The following KMT2D variants were observed in gnomAD, a reference collection of about 807,000 sequenced individuals.
The protein encoded by KMT2D is histone-lysine N-methyltransferase 2D.
In KMT2D, 55 loss-of-function variants were observed where a neutral mutation model predicts 512.7. That is an observed-to-expected ratio of 0.11 (90% CI 0.09 to 0.13). KMT2D has a LOEUF of 0.13. Ranked by LOEUF, KMT2D falls within the 10% of genes least tolerant of loss-of-function variation. The pLI is 1.00. For missense variants in KMT2D, 6,061 were observed against 7,127.9 expected (o/e 0.85, Z 5.39); for synonymous variants, 2,995 against 2,904.0 (o/e 1.03, Z -1.01).
In KMT2D at chr12:49,051,864, G is replaced by A; in HGVS notation, c.1819C>T (p.Pro607Ser). The A allele has an allele frequency of 1.9e-6, 3 of 1,613,064 alleles. No individual in the cohort carries two copies. The highest frequency in any genetic ancestry group is 2.5e-6 in the Non-Finnish European group (3 of 1,179,550). Residue 607 changes from proline to serine, a missense_variant, in exon 11 of 55, where the codon CCT (proline) becomes TCT (serine). Coordinates refer to ENST00000301067, the MANE Select transcript of KMT2D (RefSeq NM_003482.4). ...GACTCCTCAGGTGGAGGGGACAGAGGAGACTCTTCAAATGGTGGGAACAGA... is the reference window on the plus strand; with the variant it reads ...GACTCCTCAGGTGGAGGGGACAGAGAAGACTCTTCAAATGGTGGGAACAGA... ...SRLFPPFEES[P>S]LSPPPEESPL...
rs769315900 is a variant in KMT2D, at chr12:49,038,027, C to T, written c.9329G>A (p.Arg3110His). ...PPPAADASEP[R>H]LASVLPEVKP... ...CACCTCAGGGAGCACAGATGCCAGG[C>T]GGGGTTCAGAGGCATCAGCAGCAGG... is the stretch of plus-strand genomic sequence containing the variant. The change falls in exon 35 of 55, where the codon CGC becomes CAC. Residue 3110 changes from arginine (R) to histidine (H), a missense_variant. Physicochemically the swap from Arg to His is conservative, Grantham distance 29 (BLOSUM62 0). Transcript: ENST00000301067. The surrounding 1 kb of genome is among the most constrained non-coding windows in gnomAD (Gnocchi z 5.7). 40 of 1,609,212 alleles carry T rather than the reference C, an allele frequency of 2.5e-5. No homozygotes were observed. The highest frequency in any genetic ancestry group is 3.4e-5 in the Admixed American group (2 of 59,040).
Position 49,021,908 on chromosome 12 carries a change from C to T in KMT2D, c.16522-36G>A, listed in dbSNP as rs1279062042. On this transcript the variant is annotated intron_variant, in intron 54 of 54. Transcript: ENST00000301067. ...AAGAGGGCAGAATCAATGCTAGTCC[C>T]CCACAGGAAGAGGGGAGGCCAGAGA... 4 of 1,593,722 alleles carry T rather than the reference C, an allele frequency of 2.5e-6. No individual in the cohort carries two copies. In the Admixed American group the frequency reaches 6.7e-5, roughly 27 times the overall value.
At position 49,029,048 on chromosome 12, in the gene KMT2D, G is replaced by A. The variant is rs1942752454; in HGVS notation, c.14251+13C>T. On this transcript the variant is annotated intron_variant, in intron 45 of 54. Coordinates refer to ENST00000301067, the MANE Select transcript of KMT2D (RefSeq NM_003482.4). ...GTGAACTGGGCCTGGCCCACATCCA[G>A]AGTAGCACATACCTGGGATGCTGGC... 6.2e-7 allele frequency: 1 copy of A among 1,603,336 alleles called. No individual in the cohort carries two copies.
In KMT2D at chr12:49,046,460, A is replaced by G. The variant is rs2120606965; in HGVS notation, c.4419-36T>C. On this transcript the variant is annotated intron_variant, in intron 16 of 54. Coordinates refer to ENST00000301067, the MANE Select transcript of KMT2D (RefSeq NM_003482.4). The surrounding 1 kb of genome is among the most constrained non-coding windows in gnomAD (Gnocchi z 4.2). ...CAGGAAAACAGAGCTTTAGCACCCA[A>G]CCTACCCGAAGTACCCAGAAGTCCC... The G allele has an allele frequency of 6.2e-7, 1 of 1,606,554 alleles. No individual in the cohort carries two copies. Among genetic ancestry groups the G allele is most frequent in the Non-Finnish European group, 8.5e-7 (1 of 1,175,076 alleles).
rs1243915390 is a variant in KMT2D at position 49,032,150 on chromosome 12, C to G, written c.12555G>C (p.Leu4185=). 1 of 1,613,470 alleles carries G rather than the reference C, an allele frequency of 6.2e-7. No individual in the cohort carries two copies. The highest frequency in any genetic ancestry group is 8.5e-7 in the Non-Finnish European group (1 of 1,179,650). Residue 4185 remains leucine, a synonymous_variant, in exon 40 of 55, where the codon CTG becomes CTC. Coordinates refer to ENST00000301067, the MANE Select transcript of KMT2D (RefSeq NM_003482.4). The part of the protein sequence containing the change: ...PGPVLQSGQG[L]PGVGIMPTVG... ...CCGTAGGCATGATTCCAACCCCAGG[C>G]AGACCCTGCCCAGACTGGAGGACAG...
Position 49,044,313 on chromosome 12 carries a change from A to G in KMT2D, c.5084-9T>C, listed in dbSNP as rs1223213403. 1.2e-6 allele frequency: 2 copies of G among 1,613,790 alleles called. No homozygotes were observed. Among genetic ancestry groups the G allele is most frequent in the African/African-American group, 1.3e-5 (1 of 74,918 alleles). On this transcript the variant is annotated splice_polypyrimidine_tract_variant and intron_variant, in intron 21 of 54. Transcript: ENST00000301067. The surrounding 1 kb of genome is among the most constrained non-coding windows in gnomAD (Gnocchi z 6.4). ...CATGAAACCACCAATGCCTATGAGGAGGCAGAGTTGTGGATGAGAAGCCGC... is the reference window on the plus strand; with the variant it reads ...CATGAAACCACCAATGCCTATGAGGGGGCAGAGTTGTGGATGAGAAGCCGC...
In KMT2D at chr12:49,032,232, G is replaced by A; in HGVS notation, c.12473C>T (p.Pro4158Leu). Residue 4158 changes from proline to leucine, a missense_variant, in exon 40 of 55, where the codon CCC becomes CTC. By Grantham distance (98) the Pro-to-Leu change is moderately conservative. This residue lies in a region of KMT2D where 1,600 missense variants were observed against 1,754.9 expected (regional missense o/e 0.91). Transcript: ENST00000301067. ...ATTTTGCATGGGCCGCTCTAGCATG[G>A]GCTGTTGGGGGCCCAGAAGGTTCTG... ...MTQNLLGPQQ[P>L]MLERPMQNNT... 3.1e-6 allele frequency: 5 copies of A among 1,613,822 alleles called. No individual in the cohort carries two copies. Among genetic ancestry groups the A allele is most frequent in the Non-Finnish European group, 4.2e-6 (5 of 1,179,780 alleles).
chr12:49,037,785 G>A lies in KMT2D; in HGVS notation c.9571C>T (p.Pro3191Ser), dbSNP rs1449767828. ...EKASFGATGG[P>S]PAHLLTPSPL... Reference sequence around the variant, plus strand: ...CTGGGGGTCAGCAGGTGAGCTGGTGGTCCTCCCGTGGCCCCAAAGGAGGCC... The same window carrying A: ...CTGGGGGTCAGCAGGTGAGCTGGTGATCCTCCCGTGGCCCCAAAGGAGGCC... Residue 3191 changes from proline (P) to serine (S), a missense_variant, in exon 35 of 55, where the codon CCA becomes TCA. By Grantham distance (74) the Pro-to-Ser change is moderately conservative. Transcript: ENST00000301067. The A allele has an allele frequency of 1.3e-6, 2 of 1,595,872 alleles. No homozygotes were observed. The highest frequency in any genetic ancestry group is 1.1e-5 in the South Asian group (1 of 88,128).
At position 49,045,074 on chromosome 12, in the gene KMT2D, C is replaced by T. The variant is rs1469906055; in HGVS notation, c.4742-109G>A. ...TGAGACAAAGGCAGTGACAAAAGTCCAGCTTAGGGTCTAAATGCTGAGGAG... is the reference window on the plus strand; with the variant it reads ...TGAGACAAAGGCAGTGACAAAAGTCTAGCTTAGGGTCTAAATGCTGAGGAG... On this transcript the variant is annotated intron_variant, in intron 19 of 54. Coordinates refer to ENST00000301067, the MANE Select transcript of KMT2D (RefSeq NM_003482.4). 5 of 1,059,420 alleles carry T rather than the reference C, an allele frequency of 4.7e-6. No individual in the cohort carries two copies. The East Asian group carries it at 9.8e-5, about 21-fold the overall frequency. 65.6% of individuals were successfully genotyped at this position (1,059,420 alleles called of 1,614,324 possible). A position where few individuals can be genotyped will look rare whatever the true frequency, so the allele number is the denominator to read the frequency against.
At position 49,037,304 on chromosome 12, in the gene KMT2D, G is replaced by C. The variant is rs973616091; in HGVS notation, c.10052C>G (p.Ser3351Cys). 1.2e-6 allele frequency: 2 copies of C among 1,613,450 alleles called. No homozygotes were observed. The highest frequency in any genetic ancestry group is 1.7e-6 in the Non-Finnish European group (2 of 1,179,756). The change falls in exon 35 of 55, where the codon TCC becomes TGC. Residue 3351 changes from serine (S) to cysteine (C), a missense_variant. Around this residue, in one of 16 missense-constraint regions of KMT2D, gnomAD observed 533 missense variants for 539.6 expected, o/e 0.99. Coordinates refer to ENST00000301067, the MANE Select transcript of KMT2D (RefSeq NM_003482.4). ...CCCACTTAGCATATGCCCTTGATTG[G>C]ACACCATAGCCATGGATGGAGCCAG... Reference protein sequence around the residue: ...QRLAPSMAMVSNQGHMLSGQH... With the variant: ...QRLAPSMAMVCNQGHMLSGQH...
chr12:49,026,574 A>G lies in KMT2D; in HGVS notation c.15392T>C (p.Met5131Thr). The change falls in exon 49 of 55, where the codon ATG becomes ACG. Residue 5131 changes from methionine to threonine, a missense_variant. Met to Thr is a moderately conservative substitution (Grantham distance 81). This residue lies in a region of KMT2D where 261 missense variants were observed against 440.7 expected (regional missense o/e 0.59). Transcript: ENST00000301067. This position sits in a 1 kb window ranked among gnomAD's most constrained non-coding sequence, Gnocchi z 9.6. Reference protein sequence around the residue: ...AKCMFFKDKTMLCPMHKIKGP... With the variant: ...AKCMFFKDKTTLCPMHKIKGP... ...CTTGATCTTATGCATTGGACACAGC[A>G]TGGTCTTGTCCTTGAAGAACATGCA... 1.2e-6 allele frequency: 2 copies of G among 1,614,022 alleles called. No individual in the cohort carries two copies. The highest frequency in any genetic ancestry group is 1.7e-6 in the Non-Finnish European group (2 of 1,179,900).
Position 49,040,824 on chromosome 12 carries a change from G to C in KMT2D, c.6946C>G (p.Leu2316Val), listed in dbSNP as rs759017079. ...GGTGTCTTTAACTCCAGGCCACCCA[G>C]GTGGGTGCCTGAGGAGGGTGAGTCA... ...FVDSPSSGTH[L>V]GGLELKTPDV... is the part of the protein sequence containing the mutation. Residue 2316 changes from leucine to valine, a missense_variant, in exon 32 of 55, where the codon CTG (leucine) becomes GTG (valine). This residue lies in a region of KMT2D where 710 missense variants were observed against 647.3 expected (regional missense o/e 1.10). Coordinates refer to ENST00000301067, the MANE Select transcript of KMT2D (RefSeq NM_003482.4). 6.2e-7 allele frequency: 1 copy of C among 1,613,798 alleles called. No homozygotes were observed.
At chr12:49,036,301 C>G (rs1382167219) in intron 35 of KMT2D, among the ~76,000 whole-genome samples, 1 of 151,538 alleles carries the variant, frequency 6.6e-6, no homozygotes, top group Non-Finnish European at 1.5e-5. Flanking sequence ...ACTTTTTCAC[C>G]TATCCCAATC....
intron 35 of KMT2D, among the ~76,000 whole-genome samples, chr12:49,036,192 G>A (rs1943206513): frequency 6.6e-6 from 1 of 151,972 alleles, no homozygotes; most frequent in African/African-American, 2.4e-5. Context: ...CCAAAATTAT[G>A]TCACTTACTT....
At chr12:49,023,908 C>A (rs1942443586) in intron 51 of KMT2D, 1 of 349,864 alleles carries the variant, frequency 2.9e-6, no homozygotes, top group African/African-American at 2.2e-5. Flanking sequence ...GGACTAAGGT[C>A]CCTGGTACAC....
At chr12:49,047,924 A>C in intron 15 of KMT2D, 41 bp downstream of exon 15, 2 of 1,376,968 alleles carry the variant, frequency 1.5e-6, no homozygotes, top group Non-Finnish European at 1.0e-6. Flanking sequence ...GAAATAACTG[A>C]CCCTATTCCC....
rs1943048219 is a variant in KMT2D, at chr12:49,033,305, G to GCCCTGGGGC, written c.11391_11399dup (p.Pro3798_Gly3800dup). 6.3e-7 allele frequency: 1 copy of GCCCTGGGGC among 1,589,956 alleles called. No individual in the cohort carries two copies. The highest frequency in any genetic ancestry group is 1.3e-5 in the African/African-American group (1 of 74,638). ...CAGCCACCTGGGCAGGGCCCAGCATGCCCTGGGGCCCCTGGGGTGGTTGAG... is the reference window on the plus strand; with the variant it reads ...CAGCCACCTGGGCAGGGCCCAGCATGCCCTGGGGCCCCTGGGGCCCCTGGGGTGGTTGAG... On this transcript the variant is annotated inframe_insertion, in exon 40 of 55. Coordinates refer to ENST00000301067, the MANE Select transcript of KMT2D (RefSeq NM_003482.4).
Position 49,031,483 on chromosome 12 carries a change from G to A in KMT2D, c.13222C>T (p.Pro4408Ser), listed in dbSNP as rs2120420589. The A allele has an allele frequency of 6.2e-7, 1 of 1,613,422 alleles. No individual in the cohort carries two copies. Among genetic ancestry groups the A allele is most frequent in the Non-Finnish European group, 8.5e-7 (1 of 1,179,750 alleles). Reference sequence around the variant, plus strand: ...TTGATGCTGAGTTGGGATGCCTCAGGCACCACCTGTCCATTCACCTGGTCC... The same window carrying A: ...TTGATGCTGAGTTGGGATGCCTCAGACACCACCTGTCCATTCACCTGGTCC... ...HLDQVNGQVV[P>S]EASQLSIKQE... Residue 4408 changes from proline (P) to serine (S), a missense_variant, in exon 40 of 55, where the codon CCT becomes TCT. This residue lies in a region of KMT2D where 1,600 missense variants were observed against 1,754.9 expected (regional missense o/e 0.91). Coordinates refer to ENST00000301067, the MANE Select transcript of KMT2D (RefSeq NM_003482.4).
rs1942155343 is a variant in KMT2D at position 49,019,046 on chromosome 12, C to T, written c.*2734G>A. On this transcript the variant is annotated 3_prime_UTR_variant, in exon 55 of 55. Coordinates refer to ENST00000301067, the MANE Select transcript of KMT2D (RefSeq NM_003482.4). The stretch of plus-strand genomic sequence containing the variant: ...TGGAAGAAGCAAAATCCAAAACTTG[C>T]CCTTTGCCTCTCGCAACATAAATAT... 2 of 1,362,464 alleles carry T rather than the reference C, an allele frequency of 1.5e-6. No individual in the cohort carries two copies. Among genetic ancestry groups the T allele is most frequent in the East Asian group, 2.9e-5 (1 of 34,204 alleles). The allele number at this position is 1,362,464 out of a possible 1,614,324, so 84.4% of individuals were successfully genotyped here. A position where few individuals can be genotyped will look rare whatever the true frequency, so the allele number is the denominator to read the frequency against.
Sources: gnomAD v4.1 joint callset for allele counts (sites outside exome capture counted in the v4.1 genomes callset) on GRCh38, gnomAD v4.1.1 for gene constraint, gnomAD v4.1.1 regional missense constraint, Gnocchi (gnomAD v3.1) non-coding constraint, MANE v1.5 for transcripts, NCBI Gene and HGNC (gene_info 2026-07-23, HGNC 2026-07-21) for gene names.